The following TMBIM1 variants were observed in gnomAD, a reference collection of about 807,000 sequenced individuals.
TMBIM1 encodes transmembrane BAX inhibitor motif containing 1.
Under a neutral mutation model 45.1 loss-of-function variants are expected in TMBIM1, and 34 were observed. The observed-to-expected ratio is 0.75, with a 90% confidence interval of 0.57 to 1.00. The LOEUF (loss-of-function observed/expected upper bound fraction) is 1.00, where lower values mean the gene tolerates loss of function less well. Among genes scored for constraint, TMBIM1 ranks in the 50% least tolerant of loss-of-function variants. The probability of loss-of-function intolerance (pLI) is 0.00; values close to 1 mark genes in which losing one functional copy is unlikely to be tolerated. For missense variants in TMBIM1, 374 were observed against 402.4 expected, an observed-to-expected ratio of 0.93 and a Z score of 0.60; for synonymous variants, 157 against 153.5, an observed-to-expected ratio of 1.02 and a Z score of -0.17.
At position 218,282,025 on chromosome 2, in the gene TMBIM1, G is replaced by A. The variant is rs1273306404; in HGVS notation, c.117C>T (p.Tyr39=). ...PSVLPGGYPA[Y]PGYPQPGYGH... is the part of the protein sequence containing the mutation. ...CGTAGCCAGGCTGCGGGTAGCCAGG[G>A]TAGGCAGGATACCCTCCTGGCAGGA... The change falls in exon 2 of 12, where the codon TAC becomes TAT. Residue 39 remains tyrosine, a synonymous_variant. Coordinates refer to ENST00000258412, the MANE Select transcript of TMBIM1 (RefSeq NM_022152.6). 18 of 1,608,132 alleles carry A rather than the reference G, an allele frequency of 1.1e-5. No homozygotes were observed. Among genetic ancestry groups the A allele is most frequent in the Non-Finnish European group, 1.5e-5 (18 of 1,178,192 alleles).
chr2:218,291,689 C>T (rs1213834869), intron 1 of TMBIM1, among the ~76,000 whole-genome samples: 2 of 152,170 alleles, frequency 1.3e-5, no homozygotes, highest in African/African-American at 4.8e-5. Context: ...TGCTTCCTCC[C>T]ACTGGTCCCT....
At chr2:218,280,641 C>A in intron 2 of TMBIM1, 1 of 158,884 alleles carries the variant, frequency 6.3e-6, no homozygotes, top group Admixed American at 6.1e-5. Flanking sequence ...GCGCACATGT[C>A]CAGGTGAGAG....
At chr2:218,278,933 C>T in intron 5 of TMBIM1, 105 bp downstream of exon 5, 1 of 1,350,388 alleles carries the variant, frequency 7.4e-7, no homozygotes, top group Non-Finnish European at 1.0e-6. Flanking sequence ...ACTTGGGGGC[C>T]CTCTCAAAAA....
Position 218,279,274 on chromosome 2 carries a change from A to C in TMBIM1, c.368+15T>G. On this transcript the variant is annotated intron_variant, in intron 4 of 11. Transcript: ENST00000258412. ...CCAGGGCAGTAGGAGTGGGTGGCAA[A>C]GCCTAGAGACTTACACAAAGGTGAA... The C allele has an allele frequency of 6.4e-7, 1 of 1,567,312 alleles. No individual in the cohort carries two copies. Among genetic ancestry groups the C allele is most frequent in the East Asian group, 2.2e-5 (1 of 44,482 alleles).
At chr2:218,283,322 A>T (rs1692219780) in intron 1 of TMBIM1, among the ~76,000 whole-genome samples, 1 of 152,248 alleles carries the variant, frequency 6.6e-6, no homozygotes, top group Non-Finnish European at 1.5e-5. Context: ...TGGCATAACC[A>T]GGACGGAGGC....
At chr2:218,276,983 C>A (rs757886293) in intron 10 of TMBIM1, 21 bp downstream of exon 10, 1 of 1,608,390 alleles carries the variant, frequency 6.2e-7, no homozygotes, top group East Asian at 2.2e-5. Flanking sequence ...TCCCTGACCC[C>A]AGCTCTCCTG....
Position 218,277,198 on chromosome 2 carries a change from G to T in TMBIM1, c.640-99C>A, listed in dbSNP as rs1314661664. 7.6e-6 allele frequency: 9 copies of T among 1,188,526 alleles called. No homozygotes were observed. The Admixed American group carries it at 1.1e-4, about 14-fold the overall frequency. The allele number at this position is 1,188,526 out of a possible 1,614,324, so 73.6% of individuals were successfully genotyped here. A position where few individuals can be genotyped will look rare whatever the true frequency, so the allele number is the denominator to read the frequency against. On this transcript the variant is annotated intron_variant, in intron 9 of 11. Transcript: ENST00000258412. ...GAGTCCCAGTGCTGCCTCCTAGGGG[G>T]TATGGGAATGTCCACAACATTCTAA... is the stretch of plus-strand genomic sequence containing the variant.
chr2:218,280,397 G>A, intron 2 of TMBIM1: 1 of 396,986 alleles, frequency 2.5e-6, no homozygotes, highest in South Asian at 2.4e-5. Context: ...GTTCACTGGG[G>A]GGTCACGATG....
chr2:218,290,305 T>A (rs978868040), intron 1 of TMBIM1, among the ~76,000 whole-genome samples: 3 of 152,236 alleles, frequency 2.0e-5, no homozygotes, highest in Admixed American at 6.5e-5. Flanking sequence ...CCCTTAAGCC[T>A]GAGCCACTTT....
chr2:218,282,559 C>T, intron 1 of TMBIM1, among the ~76,000 whole-genome samples: 1 of 152,238 alleles, frequency 6.6e-6, no homozygotes, highest in East Asian at 1.9e-4. Flanking sequence ...ATGGGCCAGG[C>T]ACAGCCTCCT....
At chr2:218,278,704 T>C (rs766136007) in intron 5 of TMBIM1, 139 bp from the exon 6 acceptor site, 38 of 931,496 alleles carry the variant, frequency 4.1e-5, no homozygotes, top group Non-Finnish European at 5.9e-5. Flanking sequence ...AAGAACGAGA[T>C]TACCCCCAGC....
chr2:218,292,298 C>T (rs1055882338), intron 1 of TMBIM1, among the ~76,000 whole-genome samples, 168 bp downstream of exon 1: 8 of 152,148 alleles, frequency 5.3e-5, no homozygotes, highest in Non-Finnish European at 1.5e-5. Context: ...ACGCCAAGGG[C>T]CAGGAGGGGA....
intron 11 of TMBIM1, 61 bp downstream of exon 11, chr2:218,275,965 T>G: frequency 6.4e-7 from 1 of 1,560,832 alleles, no homozygotes; most frequent in Non-Finnish European, 8.7e-7. Flanking sequence ...TCATGCCCCC[T>G]TCCCTAGATT....
At chr2:218,282,902 G>A (rs560388664) in intron 1 of TMBIM1, among the ~76,000 whole-genome samples, 135 of 152,306 alleles carry the variant, frequency 8.9e-4, no homozygotes, top group Non-Finnish European at 1.4e-3. Context: ...TAACAGCGGT[G>A]GCGTGTCAGA....
intron 11 of TMBIM1, 49 bp from the exon 12 acceptor site, chr2:218,275,670 G>A (rs776793617): frequency 6.3e-7 from 1 of 1,580,668 alleles, no homozygotes. Flanking sequence ...TCAGTGTCCA[G>A]AGCTCATTTT....
At chr2:218,287,563 A>G (rs1441767227) in intron 1 of TMBIM1, among the ~76,000 whole-genome samples, 1 of 152,140 alleles carries the variant, frequency 6.6e-6, no homozygotes, top group Non-Finnish European at 1.5e-5. Flanking sequence ...ACAAAAAATT[A>G]GCTGGGCGTG....
intron 3 of TMBIM1, 102 bp from the exon 4 acceptor site, chr2:218,279,455 T>G: frequency 9.0e-7 from 1 of 1,105,874 alleles, no homozygotes; most frequent in Non-Finnish European, 1.3e-6. Context: ...GAACCCTCCC[T>G]AGCTGCAGCC....
In TMBIM1 at chr2:218,282,003, A is replaced by T. The variant is rs770461372; in HGVS notation, c.139T>A (p.Tyr47Asn). ...PAYPGYPQPG[Y>N]GHPAGYPQPM... ...TGTGGGTAGCCAGCAGGGTGACCGT[A>T]GCCAGGCTGCGGGTAGCCAGGGTAG... Residue 47 changes from tyrosine to asparagine, a missense_variant, in exon 2 of 12, where the codon TAC becomes AAC. Tyr to Asn is a moderately radical substitution (Grantham distance 143, BLOSUM62 -2). Coordinates refer to ENST00000258412, the MANE Select transcript of TMBIM1 (RefSeq NM_022152.6). 2 of 1,607,800 alleles carry T rather than the reference A, an allele frequency of 1.2e-6. No individual in the cohort carries two copies. Among genetic ancestry groups the T allele is most frequent in the Non-Finnish European group, 1.7e-6 (2 of 1,178,154 alleles).
chr2:218,291,436 C>A (rs1418831222), intron 1 of TMBIM1, among the ~76,000 whole-genome samples: 1 of 152,198 alleles, frequency 6.6e-6, no homozygotes, highest in Admixed American at 6.5e-5. Context: ...AACCAAAGCT[C>A]ACTAATGAGA....
Sources: gnomAD v4.1 joint callset for allele counts (sites outside exome capture counted in the v4.1 genomes callset) on GRCh38, gnomAD v4.1.1 for gene constraint, MANE v1.5 for transcripts, NCBI Gene and HGNC (gene_info 2026-07-23, HGNC 2026-07-21) for gene names.